DAB2IP: variants seen among roughly 807,000 people sequenced by gnomAD.
DAB2IP encodes disabled homolog 2-interacting protein.
In DAB2IP, 28 loss-of-function variants were observed where a neutral mutation model predicts 107.2. That is an observed-to-expected ratio of 0.26 (90% confidence interval 0.19 to 0.36). The LOEUF (loss-of-function observed/expected upper bound fraction) is 0.36. DAB2IP is among the 10% of genes least tolerant of loss of function. The pLI, the probability that DAB2IP is intolerant of heterozygous loss-of-function variation, is 1.00. For synonymous variants in DAB2IP, 755 were observed against 706.4 expected (o/e 1.07, Z -1.09); for missense variants, 1,400 against 1,644.7 (o/e 0.85, Z 2.57).
intron 1 of DAB2IP, among the ~76,000 whole-genome samples, chr9:121,595,256 T>C (rs929173774): frequency 6.7e-5 from 10 of 148,978 alleles, no homozygotes; most frequent in Admixed American, 5.3e-4. Context: ...AAAAAAGTGA[T>C]GAAGAATAAA....
chr9:121,717,049 A>G (rs1159444003), intron 3 of DAB2IP, among the ~76,000 whole-genome samples: 2 of 152,224 alleles, frequency 1.3e-5, no homozygotes, highest in Non-Finnish European at 2.9e-5. Context: ...GCAAGCACTC[A>G]TGAAGATGGG....
At chr9:121,653,192 T>TAAAGACCTGGGG (rs1832825389) in intron 1 of DAB2IP, among the ~76,000 whole-genome samples, 2 of 75,932 alleles carry the variant, frequency 2.6e-5, no homozygotes, top group African/African-American at 8.0e-5. Context: ...GAGGGAGTAC[T>TAAAGACCTGGGG]AAGCCTTTAG....
At chr9:121,721,289 G>A (rs1830917576) in intron 3 of DAB2IP, among the ~76,000 whole-genome samples, 1 of 152,220 alleles carries the variant, frequency 6.6e-6, no homozygotes, top group African/African-American at 2.4e-5. Context: ...AGGAAGGAAG[G>A]GCATTGTTCT....
intron 1 of DAB2IP, among the ~76,000 whole-genome samples, chr9:121,674,174 G>A (rs1221451606): frequency 3.9e-5 from 6 of 152,338 alleles, no homozygotes; most frequent in East Asian, 1.9e-4. Context: ...GGGACCTTCC[G>A]TGGAGGAGGC....
At position 121,772,481 on chromosome 9, in the gene DAB2IP, C is replaced by G. The variant is rs1834833241; in HGVS notation, c.2079-126C>G. On this transcript the variant is annotated intron_variant, in intron 11 of 15. Coordinates refer to ENST00000408936, the Ensembl canonical transcript of DAB2IP. The surrounding 1 kb of genome is among the most constrained non-coding windows in gnomAD (Gnocchi z 4.7). The stretch of plus-strand genomic sequence containing the variant: ...CCTGCCACCCCAGCGCATCCATCTC[C>G]CCAGCGCTGGCTCAGGCTGCCAGGC... 9.6e-7 allele frequency: 1 copy of G among 1,039,816 alleles called. No homozygotes were observed. Among genetic ancestry groups the G allele is most frequent in the Admixed American group, 2.2e-5 (1 of 45,832 alleles). 64.4% of individuals were successfully genotyped at this position (1,039,816 alleles called of 1,614,324 possible).
At chr9:121,577,585 T>C (rs968248213) in intron 1 of DAB2IP, among the ~76,000 whole-genome samples, 5 of 152,128 alleles carry the variant, frequency 3.3e-5, no homozygotes, top group African/African-American at 1.2e-4. Flanking sequence ...AGTTGGTCTG[T>C]GCCCTAGAAA....
intron 3 of DAB2IP, among the ~76,000 whole-genome samples, chr9:121,708,548 C>T (rs1026671296): frequency 2.0e-5 from 3 of 152,154 alleles, no homozygotes; most frequent in South Asian, 2.1e-4. Flanking sequence ...TGGTGGGTGA[C>T]GCTCAGAGAG....
At chr9:121,704,460 G>C (rs1829956487) in intron 3 of DAB2IP, among the ~76,000 whole-genome samples, 2 of 152,186 alleles carry the variant, frequency 1.3e-5, no homozygotes, top group Admixed American at 1.3e-4. Flanking sequence ...CAGTGGCAGT[G>C]CTTCTTTTGA....
intron 1 of DAB2IP, among the ~76,000 whole-genome samples, chr9:121,589,081 T>C (rs1301790254): frequency 6.6e-6 from 1 of 152,058 alleles, no homozygotes; most frequent in African/African-American, 2.4e-5. Context: ...ACTCCCCAGA[T>C]TTTTGTAAAA....
chr9:121,727,050 G>A (rs1202755799), intron 3 of DAB2IP, among the ~76,000 whole-genome samples: 1 of 152,196 alleles, frequency 6.6e-6, no homozygotes, highest in African/African-American at 2.4e-5. Flanking sequence ...ACTTACTGCA[G>A]GCTTATGTAT....
rs114983413 is a variant in DAB2IP at position 121,704,974 on chromosome 9, C to T, written c.362+5516C>T. 9.3e-3 allele frequency among the ~76,000 whole-genome samples: 1,420 copies of T among 152,296 alleles called. 19 individuals carry two copies. The highest frequency in any genetic ancestry group is 0.031 in the African/African-American group (1,278 of 41,542). ...GGGCACCTTTGGGGGCAGGGCTGAC[C>T]GGCCCAGGAGCACATGATTCTGAGT... is the stretch of plus-strand genomic sequence containing the variant. On this transcript the variant is annotated intron_variant, in intron 3 of 15. Coordinates refer to ENST00000408936, the Ensembl canonical transcript of DAB2IP.
At chr9:121,774,543 C>G in intron 13 of DAB2IP, 131 bp downstream of exon 13, 2 of 1,071,270 alleles carry the variant, frequency 1.9e-6, no homozygotes, top group Non-Finnish European at 2.6e-6. Flanking sequence ...CCTCTGAGCC[C>G]CTGTTCCCTG....
In DAB2IP at chr9:121,583,282, T is replaced by A. The variant is rs184644271; in HGVS notation, c.40+16054T>A. Among the ~76,000 whole-genome samples, 23 of 152,168 alleles carry A rather than the reference T, an allele frequency of 1.5e-4. No homozygotes were observed. The South Asian group carries it at 4.6e-3, about 30-fold the overall frequency. ...CAGGCGTCTGTGGTGTCCCAGCAAC[T>A]TGGGAGGCTGAGGCAAGAGAATTGC... On this transcript the variant is annotated intron_variant, in intron 1 of 16. Coordinates refer to the DAB2IP transcript ENST00000259371.
At chr9:121,769,008 C>G (rs976531095) in intron 10 of DAB2IP, among the ~76,000 whole-genome samples, 2 of 152,158 alleles carry the variant, frequency 1.3e-5, no homozygotes, top group Non-Finnish European at 2.9e-5. Flanking sequence ...AGCAGGAAGT[C>G]GAAAACCTTT....
chr9:121,783,675 C>A (rs1249582227), exon 16 of DAB2IP: 3 of 1,242,330 alleles, frequency 2.4e-6, no homozygotes, highest in African/African-American at 1.5e-5. Context: ...GCAGCCTGCA[C>A]CTGCCCCGTG....
intron 3 of DAB2IP, among the ~76,000 whole-genome samples, chr9:121,750,063 C>T (rs1190254225): frequency 6.6e-6 from 1 of 152,158 alleles, no homozygotes; most frequent in Non-Finnish European, 1.5e-5. Flanking sequence ...TCACTGACAC[C>T]CCTGCCCTCC....
chr9:121,666,095 T>C (rs1365647438), intron 1 of DAB2IP, among the ~76,000 whole-genome samples: 1 of 152,220 alleles, frequency 6.6e-6, no homozygotes, highest in East Asian at 1.9e-4. Context: ...CTTGAGGCTC[T>C]GGAGAAGAAT....
chr9:121,750,354 G>A (rs2118930733), intron 3 of DAB2IP, among the ~76,000 whole-genome samples: 1 of 152,288 alleles, frequency 6.6e-6, no homozygotes, highest in East Asian at 1.9e-4. Flanking sequence ...TTTAATCCCA[G>A]GGCCCACTGC....
chr9:121,769,491 C>T (rs553473457), intron 10 of DAB2IP, among the ~76,000 whole-genome samples: 72 of 152,330 alleles, frequency 4.7e-4, no homozygotes, highest in African/African-American at 1.7e-3. Context: ...CTTGTCAGTG[C>T]AATCTCCACC....
Sources: gnomAD v4.1 joint callset for allele counts (sites outside exome capture counted in the v4.1 genomes callset) on GRCh38, gnomAD v4.1.1 for gene constraint, Gnocchi (gnomAD v3.1) non-coding constraint, MANE v1.5 for transcripts, NCBI Gene and HGNC (gene_info 2026-07-23, HGNC 2026-07-21) for gene names.